Variants in PIEZO2 observed in about 807,000 individuals in gnomAD.
PIEZO2 encodes piezo type mechanosensitive ion channel component 2, also known as piezo-type mechanosensitive ion channel component 2.
In PIEZO2, 172 loss-of-function variants were observed where a neutral mutation model predicts 337.3. The observed-to-expected ratio is 0.51, with a 90% CI of 0.45 to 0.58. The LOEUF is 0.58. Ranked by LOEUF, PIEZO2 falls within the 20% of genes least tolerant of loss-of-function variation. The pLI is 0.00. For synonymous variants in PIEZO2, 1,251 were observed against 1,228.5 expected, an observed-to-expected ratio of 1.02 and a Z score of -0.38; for missense variants, 3,028 against 3,391.3, an observed-to-expected ratio of 0.89 and a Z score of 2.66.
intron 49 of PIEZO2, among the ~76,000 whole-genome samples, chr18:10,684,233 T>C (rs1469675299): frequency 7.2e-6 from 1 of 139,670 alleles, no homozygotes; most frequent in Admixed American, 7.3e-5. Flanking sequence ...TGGCGCGATC[T>C]TGGCTCACTG....
At chr18:11,062,373 C>T (rs887957029) in intron 2 of PIEZO2, among the ~76,000 whole-genome samples, 28 of 152,210 alleles carry the variant, frequency 1.8e-4, no homozygotes, top group African/African-American at 6.5e-4. Context: ...TCTAAAACAC[C>T]AAAAGCAATG....
intron 47 of PIEZO2, among the ~76,000 whole-genome samples, chr18:10,691,767 A>AC: frequency 2.4e-5 from 2 of 83,932 alleles, no homozygotes; most frequent in African/African-American, 1.0e-4. Flanking sequence ...AAATATATAT[A>AC]AACACACACA....
Position 10,673,303 on chromosome 18 carries a change from T to C in PIEZO2, c.8162-430A>G, listed in dbSNP as rs776636516. Among the ~76,000 whole-genome samples the C allele has an allele frequency of 4.6e-5, 7 of 152,320 alleles. No homozygotes were observed. Among genetic ancestry groups the C allele is most frequent in the South Asian group, 2.1e-4 (1 of 4,822 alleles). ...AATTAGGTGCTAAAGGGTTCCAAAA[T>C]TGCATATAACATTGTTCCTTATCTC... On this transcript the variant is annotated intron_variant, in intron 54 of 55. Transcript: ENST00000674853. This position sits in a 1 kb window ranked among gnomAD's most constrained non-coding sequence, Gnocchi z 4.8.
intron 21 of PIEZO2, among the ~76,000 whole-genome samples, chr18:10,768,167 G>A (rs890659310): frequency 1.3e-5 from 2 of 152,140 alleles, no homozygotes; most frequent in Admixed American, 6.5e-5. Context: ...CTTCTACCTG[G>A]GGAGGGACCC....
At chr18:10,797,590 A>T in intron 11 of PIEZO2, 68 bp from the exon 12 acceptor site, 1 of 1,517,596 alleles carries the variant, frequency 6.6e-7, no homozygotes, top group Non-Finnish European at 8.8e-7. Flanking sequence ...TGTTCCAAGC[A>T]ATGCAGCACA....
rs752165995 is a variant in PIEZO2 at position 10,863,068 on chromosome 18, A to G, written c.493-5857T>C. Among the ~76,000 whole-genome samples the G allele has an allele frequency of 5.9e-5, 9 of 152,236 alleles. No individual in the cohort carries two copies. Among genetic ancestry groups the G allele is most frequent in the Non-Finnish European group, 1.3e-4 (9 of 68,034 alleles). On this transcript the variant is annotated intron_variant, in intron 5 of 55. Coordinates refer to ENST00000674853, the MANE Select transcript of PIEZO2 (RefSeq NM_001378183.1). This position sits in a 1 kb window ranked among gnomAD's most constrained non-coding sequence, Gnocchi z 4.3. ...ATAGAAGTGTATCAAAGTCATGTATAATGAGCCAAAAGATCTGGGAGGCAA... is the reference window on the plus strand; with the variant it reads ...ATAGAAGTGTATCAAAGTCATGTATGATGAGCCAAAAGATCTGGGAGGCAA...
At chr18:10,807,692 T>C (rs57873808) in intron 7 of PIEZO2, among the ~76,000 whole-genome samples, 1 of 152,028 alleles carries the variant, frequency 6.6e-6, no homozygotes, top group Non-Finnish European at 1.5e-5. Flanking sequence ...GCAAATATTT[T>C]GTTTTTGGCT....
chr18:11,045,297 A>C (rs1331540293), intron 2 of PIEZO2, among the ~76,000 whole-genome samples: 1 of 95,210 alleles, frequency 1.1e-5, no homozygotes, highest in Admixed American at 9.3e-5. Context: ...CTCCGTCTCA[A>C]AAAAAAAAAA....
rs1460301759 is a variant in PIEZO2 at position 10,715,780 on chromosome 18, A to C, written c.5126T>G (p.Phe1709Cys). 1 of 1,533,228 alleles carries C rather than the reference A, an allele frequency of 6.5e-7. No homozygotes were observed. Among genetic ancestry groups the C allele is most frequent in the East Asian group, 2.4e-5 (1 of 40,902 alleles). The allele number at this position is 1,533,228 out of a possible 1,614,324, so 95.0% of individuals were successfully genotyped here. Residue 1709 changes from phenylalanine (F) to cysteine (C), a missense_variant, in exon 38 of 56, where the codon TTT becomes TGT. Transcript: ENST00000674853. ...IIKRIFNILK[F>C]TWVLFLATVD... is the part of the protein sequence containing the mutation. ...TGTTGCCAGAAATAGGACCCAGGTAAATTTCAAAATATTAAATATCCTCTT... is the reference window on the plus strand; with the variant it reads ...TGTTGCCAGAAATAGGACCCAGGTACATTTCAAAATATTAAATATCCTCTT...
intron 3 of PIEZO2, among the ~76,000 whole-genome samples, chr18:10,975,999 A>T (rs1048914406): frequency 2.6e-5 from 4 of 152,166 alleles, no homozygotes; most frequent in South Asian, 4.1e-4. Flanking sequence ...CAAATTTGGG[A>T]TATCGAAATG....
At chr18:10,765,159 C>T (rs1368160889) in intron 21 of PIEZO2, among the ~76,000 whole-genome samples, 1 of 152,204 alleles carries the variant, frequency 6.6e-6, no homozygotes, top group African/African-American at 2.4e-5. Context: ...CAGATGGAGG[C>T]ACACAGGCAC....
intron 22 of PIEZO2, 48 bp from the exon 23 acceptor site, chr18:10,762,673 G>A (rs2038186617): frequency 6.6e-7 from 1 of 1,522,278 alleles, no homozygotes; most frequent in Non-Finnish European, 8.8e-7. Context: ...CCACAGATTA[G>A]GAGAGCTCAG....
chr18:10,836,259 A>G (rs535184555), intron 7 of PIEZO2, among the ~76,000 whole-genome samples: 4 of 152,308 alleles, frequency 2.6e-5, no homozygotes, highest in African/African-American at 9.6e-5. Context: ...CTCAGTAGTG[A>G]GTAGACTCCT....
intron 4 of PIEZO2, among the ~76,000 whole-genome samples, chr18:10,884,314 T>C (rs2042510930): frequency 1.3e-5 from 2 of 152,250 alleles, no homozygotes; most frequent in African/African-American, 2.4e-5. Context: ...GGACACAGGT[T>C]GATTTCCTGT....
intron 3 of PIEZO2, among the ~76,000 whole-genome samples, chr18:10,932,988 T>TC (rs1176289767): frequency 1.3e-5 from 2 of 151,640 alleles, no homozygotes; most frequent in African/African-American, 2.4e-5. Flanking sequence ...GCAAAGGGAC[T>TC]TAGGGAAGGG....
chr18:10,985,584 T>G (rs2145518633), intron 2 of PIEZO2, among the ~76,000 whole-genome samples: 1 of 152,226 alleles, frequency 6.6e-6, no homozygotes, highest in African/African-American at 2.4e-5. Context: ...TTTTAATTAC[T>G]ATAGCTTCGT....
chr18:10,825,803 A>T (rs917165759), intron 7 of PIEZO2, among the ~76,000 whole-genome samples: 4 of 151,998 alleles, frequency 2.6e-5, no homozygotes, highest in African/African-American at 9.7e-5. Flanking sequence ...TGCCTGCCTC[A>T]GCCTCCCAAA....
In PIEZO2 at chr18:11,078,277, A is replaced by T. The variant is rs1293573804; in HGVS notation, c.65-12055T>A. On this transcript the variant is annotated intron_variant, in intron 1 of 55. Transcript: ENST00000674853. The surrounding 1 kb of genome is among the most constrained non-coding windows in gnomAD (Gnocchi z 5.3). ...CATAGTTTCCTACTTTCAAGAACTT[A>T]GTAAAAATAGAATTTTTTGTAGACT... Among the ~76,000 whole-genome samples the T allele has an allele frequency of 6.6e-6, 1 of 152,228 alleles. No individual in the cohort carries two copies. Among genetic ancestry groups the T allele is most frequent in the Non-Finnish European group, 1.5e-5 (1 of 68,034 alleles).
chr18:11,042,757 G>A (rs2037170240), intron 2 of PIEZO2, among the ~76,000 whole-genome samples: 1 of 152,126 alleles, frequency 6.6e-6, no homozygotes, highest in Admixed American at 6.5e-5. Flanking sequence ...ACCTTTGGGG[G>A]GCAGGAAAAG....
Sources: allele counts gnomAD v4.1 joint callset (sites outside exome capture counted in the v4.1 genomes callset), GRCh38; gene constraint gnomAD v4.1.1; non-coding constraint Gnocchi (gnomAD v3.1); transcripts MANE v1.5; gene names NCBI Gene and HGNC (gene_info 2026-07-23, HGNC 2026-07-21).